GPM6A: variants seen among roughly 807,000 people sequenced by gnomAD.
GPM6A encodes glycoprotein M6A.
Under a neutral mutation model 32.1 loss-of-function variants are expected in GPM6A, and 7 were observed. That is an observed-to-expected ratio of 0.22 (90% confidence interval 0.12 to 0.41). GPM6A has a LOEUF of 0.41. Among genes scored for constraint, GPM6A ranks in the 10% least tolerant of loss-of-function variants. The pLI is 1.00. For synonymous variants in GPM6A, 130 were observed against 123.4 expected (o/e 1.05, Z -0.35); for missense variants, 235 against 347.2 (o/e 0.68, Z 2.57).
At chr4:175,646,290 G>A (rs1483508794) in intron 4 of GPM6A, among the ~76,000 whole-genome samples, 2 of 152,184 alleles carry the variant, frequency 1.3e-5, no homozygotes, top group African/African-American at 2.4e-5. Context: ...ATATAGTTCA[G>A]TAATTAGCAA....
intron 1 of GPM6A, among the ~76,000 whole-genome samples, chr4:175,966,057 A>C (rs1276781625): frequency 1.3e-5 from 2 of 152,180 alleles, no homozygotes; most frequent in African/African-American, 2.4e-5. Context: ...CACATAGAAA[A>C]ACTAATAGTC....
chr4:175,701,923 C>A (rs1205487266), intron 1 of GPM6A, among the ~76,000 whole-genome samples, 156 bp from the exon 2 acceptor site: 1 of 152,056 alleles, frequency 6.6e-6, no homozygotes, highest in Non-Finnish European at 1.5e-5. Context: ...ATACTAAGAT[C>A]AAATTCCTTA....
chr4:175,775,772 T>C (rs923929314), intron 1 of GPM6A, among the ~76,000 whole-genome samples: 12 of 152,082 alleles, frequency 7.9e-5, no homozygotes, highest in African/African-American at 2.9e-4. Flanking sequence ...CCAAAAATAG[T>C]CTACTCTTTT....
At chr4:175,660,356 C>T (rs79357993) in intron 3 of GPM6A, among the ~76,000 whole-genome samples, 1 of 151,674 alleles carries the variant, frequency 6.6e-6, no homozygotes, top group Non-Finnish European at 1.5e-5. Flanking sequence ...TGTACTCCAG[C>T]CTGGGTGAGA....
At chr4:175,684,654 T>C (rs1560873610) in intron 2 of GPM6A, among the ~76,000 whole-genome samples, 1 of 152,180 alleles carries the variant, frequency 6.6e-6, no homozygotes, top group Non-Finnish European at 1.5e-5. Flanking sequence ...TGCAATGATT[T>C]TTAGGTCTAC....
chr4:175,779,970 C>T (rs766055019), intron 1 of GPM6A, among the ~76,000 whole-genome samples: 9 of 150,840 alleles, frequency 6.0e-5, no homozygotes, highest in Non-Finnish European at 8.8e-5. Context: ...TACAGTAACT[C>T]GGAGGTAGCA....
chr4:175,745,982 T>C (rs1732088676), intron 1 of GPM6A, among the ~76,000 whole-genome samples: 1 of 152,158 alleles, frequency 6.6e-6, no homozygotes, highest in African/African-American at 2.4e-5. Flanking sequence ...AAATAAGGTG[T>C]CACCTTTAAT....
At chr4:175,674,947 T>A (rs1213769223) in intron 2 of GPM6A, among the ~76,000 whole-genome samples, 2 of 152,000 alleles carry the variant, frequency 1.3e-5, no homozygotes, top group East Asian at 3.9e-4. Flanking sequence ...AAAACATTTA[T>A]CTAGAAAATA....
chr4:175,752,678 C>T (rs2111192022), intron 1 of GPM6A, among the ~76,000 whole-genome samples: 1 of 152,248 alleles, frequency 6.6e-6, no homozygotes, highest in South Asian at 2.1e-4. Context: ...GCCTTTATTT[C>T]TATCTTCTTC....
chr4:175,720,402 A>AT (rs1416112341), intron 1 of GPM6A, among the ~76,000 whole-genome samples: 2 of 152,196 alleles, frequency 1.3e-5, no homozygotes, highest in Non-Finnish European at 2.9e-5. Flanking sequence ...TGAAGTGAAA[A>AT]TAAGAATACT....
intron 1 of GPM6A, among the ~76,000 whole-genome samples, chr4:175,997,469 T>A (rs1288646934): frequency 6.6e-6 from 1 of 151,996 alleles, no homozygotes; most frequent in Non-Finnish European, 1.5e-5. Flanking sequence ...ACATGTTTTT[T>A]TTTTCTCTAA....
At chr4:175,635,931 G>C (rs1433565117) in intron 6 of GPM6A, among the ~76,000 whole-genome samples, 1 of 151,980 alleles carries the variant, frequency 6.6e-6, no homozygotes, top group Non-Finnish European at 1.5e-5. Context: ...AGAACACTAA[G>C]ATTTTGATAA....
At chr4:175,801,183 AT>A (rs1734457249) in intron 1 of GPM6A, among the ~76,000 whole-genome samples, 1 of 152,112 alleles carries the variant, frequency 6.6e-6, no homozygotes, top group Non-Finnish European at 1.5e-5. Flanking sequence ...CCTCACAAGG[AT>A]TTTGGAGAAT....
At chr4:175,962,515 T>A in intron 1 of GPM6A, 1 of 532,522 alleles carries the variant, frequency 1.9e-6, no homozygotes, top group Non-Finnish European at 3.6e-6. Flanking sequence ...TTCCCAGCAG[T>A]GACTGACTAT....
intron 1 of GPM6A, among the ~76,000 whole-genome samples, chr4:175,967,969 G>A (rs185819668): frequency 1.8e-4 from 27 of 152,280 alleles, no homozygotes; most frequent in Admixed American, 1.4e-3. Flanking sequence ...ACAGCACGAT[G>A]TTGAAGGAGA....
intron 1 of GPM6A, among the ~76,000 whole-genome samples, chr4:175,757,524 A>C (rs541781949): frequency 1.3e-5 from 2 of 152,296 alleles, no homozygotes; most frequent in Admixed American, 6.5e-5. Flanking sequence ...CACAATCATG[A>C]TCAGTTACTC....
chr4:175,867,889 T>A (rs776705780), intron 1 of GPM6A, among the ~76,000 whole-genome samples: 6 of 152,196 alleles, frequency 3.9e-5, no homozygotes, highest in Non-Finnish European at 8.8e-5. Flanking sequence ...GTTAAATAGT[T>A]TCTCCTTAGG....
intron 1 of GPM6A, chr4:175,970,895 C>T (rs1430963994): frequency 6.7e-6 from 3 of 448,822 alleles, no homozygotes; most frequent in Non-Finnish European, 1.3e-5. Flanking sequence ...TCACTCGATA[C>T]CGACAGACCC....
intron 1 of GPM6A, among the ~76,000 whole-genome samples, chr4:175,707,629 G>A (rs1745274537): frequency 6.6e-6 from 1 of 150,786 alleles, no homozygotes. Context: ...AAAATTTTGG[G>A]CTTTATTTCT....
Sources: gnomAD v4.1 joint callset for allele counts (sites outside exome capture counted in the v4.1 genomes callset) on GRCh38, gnomAD v4.1.1 for gene constraint, MANE v1.5 for transcripts, NCBI Gene and HGNC (gene_info 2026-07-23, HGNC 2026-07-21) for gene names.